STK38L: variants seen among roughly 807,000 people sequenced by gnomAD.
STK38L encodes serine/threonine-protein kinase 38-like.
Under a neutral mutation model 59.7 loss-of-function variants are expected in STK38L, and 28 were observed. The ratio of observed to expected loss-of-function variants is 0.47; its 90% CI spans 0.35 to 0.64. The LOEUF (loss-of-function observed/expected upper bound fraction) is 0.64, where lower values mean the gene tolerates loss of function less well. STK38L is among the 30% of genes least tolerant of loss of function. The pLI is 0.01. For missense variants in STK38L, 314 were observed against 555.8 expected (o/e 0.56, Z 4.37); for synonymous variants, 162 against 176.8 (o/e 0.92, Z 0.66).
intron 1 of STK38L, among the ~76,000 whole-genome samples, chr12:27,247,726 A>G (rs949459680): frequency 1.3e-5 from 2 of 149,172 alleles, no homozygotes; most frequent in African/African-American, 5.0e-5. Context: ...CCCAGCCTGG[A>G]CTCGAACTTC....
chr12:27,286,176 G>GA (rs1397669741), intron 1 of STK38L, among the ~76,000 whole-genome samples: 2 of 151,588 alleles, frequency 1.3e-5, no homozygotes, highest in Non-Finnish European at 2.9e-5. Flanking sequence ...TGGTTTATAG[G>GA]AAAAAAAATT....
At chr12:27,322,303 A>T in intron 13 of STK38L, 25 bp from the exon 14 acceptor site, 1 of 1,613,160 alleles carries the variant, frequency 6.2e-7, no homozygotes. Context: ...CACTAATGAA[A>T]TTCCTTTATT....
intron 1 of STK38L, among the ~76,000 whole-genome samples, chr12:27,261,311 A>G (rs1439671888): frequency 6.6e-6 from 1 of 152,200 alleles, no homozygotes; most frequent in Non-Finnish European, 1.5e-5. Flanking sequence ...GCAATTCTTA[A>G]TGCTTCTACT....
At chr12:27,320,442 ATTTTTTTTT>A (rs34281958) in intron 12 of STK38L, among the ~76,000 whole-genome samples, 1 of 91,902 alleles carries the variant, frequency 1.1e-5, no homozygotes, top group Non-Finnish European at 2.0e-5. Context: ...AATTTTGTTG[ATTTTTTTTT>A]TTTTTTTTTT....
chr12:27,270,261 G>A (rs1194684815), intron 1 of STK38L, among the ~76,000 whole-genome samples: 1 of 151,962 alleles, frequency 6.6e-6, no homozygotes, highest in Non-Finnish European at 1.5e-5. Context: ...AGGCTGGAGG[G>A]CAGTTATGTG....
intron 11 of STK38L, 97 bp from the exon 12 acceptor site, chr12:27,319,229 AAC>A: frequency 1.4e-6 from 1 of 734,284 alleles, no homozygotes; most frequent in South Asian, 2.2e-5. Flanking sequence ...ATAAAAGAAA[AAC>A]ATTATATTTC....
At chr12:27,309,814 A>G (rs6487600) in intron 5 of STK38L, among the ~76,000 whole-genome samples, 126,137 of 152,124 alleles carry the variant, frequency 0.83, 52,510 homozygotes, top group East Asian at 0.94. Flanking sequence ...GACAGTTCTC[A>G]GCTCCCAGAA....
intron 12 of STK38L, 120 bp downstream of exon 12, chr12:27,319,543 T>C: frequency 1.6e-6 from 1 of 636,578 alleles, no homozygotes; most frequent in South Asian, 2.5e-5. Flanking sequence ...TGTCATTAAG[T>C]GCAGTGTTTT....
intron 1 of STK38L, among the ~76,000 whole-genome samples, chr12:27,258,960 C>A (rs547657918): frequency 0.011 from 611 of 57,412 alleles, 3 homozygotes; most frequent in African/African-American, 0.033. Context: ...TGTTACTCAG[C>A]CCATCTCTCT....
Position 27,297,709 on chromosome 12 carries a change from GT to G in STK38L, c.-9del. Reference sequence around the variant, plus strand: ...TAATTTGTTTTTCTATGTTGTTTCAGTTTCCGTTACTATGGCAATGACGGCA... The same window carrying G: ...TAATTTGTTTTTCTATGTTGTTTCAGTTCCGTTACTATGGCAATGACGGCA... On this transcript the variant is annotated splice_region_variant and 5_prime_UTR_variant, in exon 2 of 14. Coordinates refer to ENST00000389032, the MANE Select transcript of STK38L (RefSeq NM_015000.4). 6.2e-7 allele frequency: 1 copy of G among 1,602,498 alleles called. No homozygotes were observed. The highest frequency in any genetic ancestry group is 1.1e-5 in the South Asian group (1 of 88,920).
chr12:27,247,241 A>G (rs902661654), intron 1 of STK38L, among the ~76,000 whole-genome samples: 5 of 152,210 alleles, frequency 3.3e-5, no homozygotes, highest in African/African-American at 1.2e-4. Flanking sequence ...TTGCAGATGA[A>G]GTAACTGTGG....
intron 1 of STK38L, among the ~76,000 whole-genome samples, chr12:27,265,581 G>C (rs1295774749): frequency 6.6e-6 from 1 of 152,110 alleles, no homozygotes; most frequent in Admixed American, 6.6e-5. Context: ...AGGTTACCTG[G>C]ACATAGTAGT....
chr12:27,313,214 G>C (rs916107802), intron 6 of STK38L, among the ~76,000 whole-genome samples: 7 of 144,636 alleles, frequency 4.8e-5, no homozygotes, highest in East Asian at 2.0e-4. Context: ...CGCCACTGCA[G>C]TCCGGCCTGG....
At chr12:27,290,434 A>G (rs1206788169) in intron 1 of STK38L, among the ~76,000 whole-genome samples, 1 of 152,196 alleles carries the variant, frequency 6.6e-6, no homozygotes, top group Non-Finnish European at 1.5e-5. Context: ...ACTCAGGTTA[A>G]ATAACTCAGA....
At chr12:27,298,177 C>T in intron 2 of STK38L, 1 of 180,724 alleles carries the variant, frequency 5.5e-6, no homozygotes, top group Non-Finnish European at 1.2e-5. Context: ...GTGGCTCATG[C>T]CTATAATCCC....
chr12:27,299,163 C>T (rs966214915), intron 2 of STK38L, among the ~76,000 whole-genome samples: 3 of 152,176 alleles, frequency 2.0e-5, no homozygotes, highest in African/African-American at 7.2e-5. Context: ...TCTGAAATTT[C>T]ATGCCTGGGC....
At chr12:27,316,004 G>A (rs1944576834) in intron 9 of STK38L, among the ~76,000 whole-genome samples, 1 of 152,112 alleles carries the variant, frequency 6.6e-6, no homozygotes, top group South Asian at 2.1e-4. Context: ...TGTGCCTTAG[G>A]ATTTTCTTTT....
chr12:27,293,342 G>A (rs1943937810), intron 1 of STK38L, among the ~76,000 whole-genome samples: 1 of 152,128 alleles, frequency 6.6e-6, no homozygotes. Context: ...GGTGCTCTAG[G>A]CAAGATAGCC....
intron 1 of STK38L, among the ~76,000 whole-genome samples, chr12:27,252,952 A>G (rs1329745399): frequency 6.6e-6 from 1 of 152,200 alleles, no homozygotes; most frequent in Non-Finnish European, 1.5e-5. Flanking sequence ...AAGAGGTATA[A>G]TGTATGGGTA....
Sources: allele counts gnomAD v4.1 joint callset (sites outside exome capture counted in the v4.1 genomes callset), GRCh38; gene constraint gnomAD v4.1.1; transcripts MANE v1.5; gene names NCBI Gene and HGNC (gene_info 2026-07-23, HGNC 2026-07-21).